Variants in TCP11 observed in about 807,000 individuals in gnomAD.
TCP11 encodes T-complex protein 11 homolog.
Under a neutral mutation model 45.0 loss-of-function variants are expected in TCP11, and 34 were observed. The observed-to-expected ratio is 0.76, with a 90% CI of 0.57 to 1.01. The LOEUF is 1.01. TCP11 is among the 50% of genes least tolerant of loss of function. The pLI is 0.00. For missense variants in TCP11, 523 were observed against 598.1 expected (o/e 0.87, Z 1.31); for synonymous variants, 227 against 227.0 (o/e 1.00, Z 0.00).
intron 3 of TCP11, among the ~76,000 whole-genome samples, chr6:35,135,750 C>G (rs1781007548): frequency 1.3e-5 from 2 of 151,898 alleles, no homozygotes; most frequent in Admixed American, 1.3e-4. Context: ...TAAAAACAAC[C>G]AAAACGGAAA....
chr6:35,119,291 C>T lies in TCP11; in HGVS notation c.1216G>A (p.Ala406Thr), dbSNP rs142229547. ...GLVALSSDNT[A>T]SLMGQLQNIA... ...TTCTGGAGCTGTCCCATTAGAGATG[C>T]TGTATTATCACTGCTTAGAGCAACA... Residue 406 changes from alanine (A) to threonine (T), a missense_variant, in exon 9 of 10, where the codon GCA becomes ACA. By Grantham distance (58) the Ala-to-Thr change is moderately conservative. Coordinates refer to ENST00000311875, the MANE Select transcript of TCP11 (RefSeq NM_001370687.1). 2.3e-5 allele frequency: 37 copies of T among 1,614,080 alleles called. No homozygotes were observed. Among genetic ancestry groups the T allele is most frequent in the Non-Finnish European group, 2.6e-5 (31 of 1,180,050 alleles).
rs1327533016 is a variant in TCP11, at chr6:35,120,101, C to T, written c.1115+58G>A. The stretch of plus-strand genomic sequence containing the variant: ...ACAGTAAGCAATCGTTCATTACCTG[C>T]CTATGTTCTAAATACCACATATCAC... On this transcript the variant is annotated intron_variant, in intron 8 of 9. Transcript: ENST00000311875. This position sits in a 1 kb window ranked among gnomAD's most constrained non-coding sequence, Gnocchi z 4.9. 1.2e-5 allele frequency: 19 copies of T among 1,565,222 alleles called. No individual in the cohort carries two copies. The highest frequency in any genetic ancestry group is 1.5e-5 in the Non-Finnish European group (17 of 1,151,682).
At chr6:35,121,454 A>G (rs1779234347) in intron 5 of TCP11, among the ~76,000 whole-genome samples, 1 of 151,114 alleles carries the variant, frequency 6.6e-6, no homozygotes, top group South Asian at 2.1e-4. Flanking sequence ...AGAGTTGTGA[A>G]ATACGGATGA....
rs1000314905 is a variant in TCP11 at position 35,140,817 on chromosome 6, G to C, written c.54C>G (p.Gly18=). The stretch of plus-strand genomic sequence containing the variant: ...CTGAGGTTTCGGGCTTACAGGACCT[G>C]CCCTCTGAGTCGCCAGGATATTTCG... ...VPPKYPGDSE[G]RSCKPETSGP... The change falls in exon 2 of 10, where the codon GGC becomes GGG. Residue 18 remains glycine (G), a synonymous_variant. Coordinates refer to ENST00000311875, the MANE Select transcript of TCP11 (RefSeq NM_001370687.1). The C allele has an allele frequency of 2.6e-6, 4 of 1,550,028 alleles. No individual in the cohort carries two copies. The highest frequency in any genetic ancestry group is 2.6e-6 in the Non-Finnish European group (3 of 1,153,332).
rs149685630 is a variant in TCP11 at position 35,118,471 on chromosome 6, C to A, written c.1310G>T (p.Cys437Phe). The A allele has an allele frequency of 5.6e-6, 9 of 1,613,964 alleles. No individual in the cohort carries two copies. Among genetic ancestry groups the A allele is most frequent in the East Asian group, 2.2e-5 (1 of 44,888 alleles). Residue 437 changes from cysteine to phenylalanine, a missense_variant, in exon 10 of 10, where the codon TGT becomes TTT. Physicochemically the swap from Cys to Phe is radical, Grantham distance 205. Transcript: ENST00000311875. ...DQRIHLFLKC[C>F]LVLGVQRSLL... ...AGACCGCTGCACACCAAGAACCAAA[C>A]AGCATTTGAGAAACAAATGGATCCG...
rs753069208 is a variant in TCP11, at chr6:35,120,154, C to T, written c.1115+5G>A. ...TCTACTCTAAAAAGTAACTATGCAGCTCACCTGGAGTGAAAGTCTTCCAAC... is the reference window on the plus strand; with the variant it reads ...TCTACTCTAAAAAGTAACTATGCAGTTCACCTGGAGTGAAAGTCTTCCAAC... On this transcript the variant is annotated splice_donor_5th_base_variant and intron_variant, in intron 8 of 9. Transcript: ENST00000311875. The surrounding 1 kb of genome is among the most constrained non-coding windows in gnomAD (Gnocchi z 4.9). The T allele has an allele frequency of 6.2e-7, 1 of 1,613,116 alleles. No individual in the cohort carries two copies. The highest frequency in any genetic ancestry group is 2.2e-5 in the East Asian group (1 of 44,886).
At chr6:35,134,344 G>T (rs966887362) in intron 3 of TCP11, among the ~76,000 whole-genome samples, 25 of 140,990 alleles carry the variant, frequency 1.8e-4, no homozygotes, top group African/African-American at 6.4e-4. Context: ...GCAGTGGCGT[G>T]ATCTTGGCTC....
chr6:35,132,998 G>A (rs1780622614), intron 3 of TCP11, among the ~76,000 whole-genome samples: 1 of 152,234 alleles, frequency 6.6e-6, no homozygotes, highest in Non-Finnish European at 1.5e-5. Flanking sequence ...GACCAGAGGA[G>A]CAACATGTGA....
chr6:35,139,130 G>C (rs1781438999), intron 2 of TCP11, among the ~76,000 whole-genome samples: 1 of 152,010 alleles, frequency 6.6e-6, no homozygotes, highest in Non-Finnish European at 1.5e-5. Context: ...GGAGGTTGCA[G>C]TGAGCCGAGA....
chr6:35,119,225 C>T lies in TCP11; in HGVS notation c.1279+3G>A, dbSNP rs750521309. 1.2e-6 allele frequency: 2 copies of T among 1,613,804 alleles called. No homozygotes were observed. Among genetic ancestry groups the T allele is most frequent in the Admixed American group, 1.7e-5 (1 of 60,020 alleles). On this transcript the variant is annotated splice_donor_region_variant and intron_variant, in intron 9 of 9. Coordinates refer to ENST00000311875, the MANE Select transcript of TCP11 (RefSeq NM_001370687.1). ...ATTCTTACTACCCCACAAGCATACT[C>T]ACCAATAACACTGCAGACACAGTTC...
rs571058019 is a variant in TCP11, at chr6:35,120,548, C to A, written c.814G>T (p.Ala272Ser). The change falls in exon 7 of 10, where the codon GCT (alanine) becomes TCT (serine). Residue 272 changes from alanine (A) to serine (S), a missense_variant. Ala to Ser is a moderately conservative substitution (Grantham distance 99). Coordinates refer to ENST00000311875, the MANE Select transcript of TCP11 (RefSeq NM_001370687.1). This position sits in a 1 kb window ranked among gnomAD's most constrained non-coding sequence, Gnocchi z 4.9. ...CPDTSDSSSVAGPSPNEAANN... is the reference protein window; with the variant it reads ...CPDTSDSSSVSGPSPNEAANN... ...GCTGCCTCATTGGGAGAGGGGCCAG[C>A]CACACTGGAGGAGTCAGAAGTGTCT... 2 of 1,613,986 alleles carry A rather than the reference C, an allele frequency of 1.2e-6. No homozygotes were observed. The highest frequency in any genetic ancestry group is 4.5e-5 in the East Asian group (2 of 44,882).
Position 35,141,270 on chromosome 6 carries a change from T to TG in TCP11, c.-81dup. On this transcript the variant is annotated 5_prime_UTR_variant, in exon 1 of 10. Transcript: ENST00000311875. Reference sequence around the variant, plus strand: ...CGGTGGGCCTCGCGGCCTGGCGGCCTGGAGCGTACCACCGCGGCGGAGCGG... The same window carrying TG: ...CGGTGGGCCTCGCGGCCTGGCGGCCTGGGAGCGTACCACCGCGGCGGAGCGG... 1.0e-6 allele frequency: 1 copy of TG among 994,460 alleles called. No homozygotes were observed. The allele number at this position is 994,460 out of a possible 1,614,324, so 61.6% of individuals were successfully genotyped here. A position where few individuals can be genotyped will look rare whatever the true frequency, so the allele number is the denominator to read the frequency against.
intron 2 of TCP11, among the ~76,000 whole-genome samples, chr6:35,138,314 T>C (rs1781337188): frequency 6.6e-6 from 1 of 152,206 alleles, no homozygotes; most frequent in Non-Finnish European, 1.5e-5. Flanking sequence ...CTATTTATGA[T>C]AGCCAAGATT....
intron 2 of TCP11, chr6:35,140,481 A>G (rs753925705): frequency 2.0e-5 from 12 of 601,644 alleles, no homozygotes; most frequent in Non-Finnish European, 3.4e-5. Context: ...TCAAAATACA[A>G]TACAAAGGAG....
chr6:35,138,205 C>G (rs1333416351), intron 2 of TCP11, among the ~76,000 whole-genome samples: 3 of 152,130 alleles, frequency 2.0e-5, no homozygotes, highest in Non-Finnish European at 4.4e-5. Context: ...AAAAATAGAG[C>G]TACCACATGA....
Position 35,119,215 on chromosome 6 carries a change from C to G in TCP11, c.1279+13G>C. The G allele has an allele frequency of 1.9e-6, 3 of 1,613,516 alleles. No homozygotes were observed. The highest frequency in any genetic ancestry group is 2.5e-6 in the Non-Finnish European group (3 of 1,179,632). On this transcript the variant is annotated intron_variant, in intron 9 of 9. Transcript: ENST00000311875. Reference sequence around the variant, plus strand: ...TTCCCTCACCATTCTTACTACCCCACAAGCATACTCACCAATAACACTGCA... The same window carrying G: ...TTCCCTCACCATTCTTACTACCCCAGAAGCATACTCACCAATAACACTGCA...
Position 35,118,477 on chromosome 6 carries a change from T to C in TCP11, c.1304A>G (p.Lys435Arg). Residue 435 changes from lysine (K) to arginine (R), a missense_variant, in exon 10 of 10, where the codon AAA (lysine) becomes AGA (arginine). Lys to Arg is a conservative substitution (Grantham distance 26). This residue lies in a region of TCP11 where 298 missense variants were observed against 387.9 expected (regional missense o/e 0.77). Coordinates refer to ENST00000311875, the MANE Select transcript of TCP11 (RefSeq NM_001370687.1). Reference sequence around the variant, plus strand: ...CTGCACACCAAGAACCAAACAGCATTTGAGAAACAAATGGATCCGCTGATC... The same window carrying C: ...CTGCACACCAAGAACCAAACAGCATCTGAGAAACAAATGGATCCGCTGATC... ...VIDQRIHLFL[K>R]CCLVLGVQRS... 4 of 1,613,776 alleles carry C rather than the reference T, an allele frequency of 2.5e-6. No homozygotes were observed. Among genetic ancestry groups the C allele is most frequent in the Non-Finnish European group, 3.4e-6 (4 of 1,179,924 alleles).
intron 4 of TCP11, among the ~76,000 whole-genome samples, chr6:35,126,245 G>A (rs140775685): frequency 4.6e-5 from 7 of 152,330 alleles, no homozygotes; most frequent in Admixed American, 6.5e-5. Flanking sequence ...GCCATCTTAT[G>A]GCAGATGATT....
chr6:35,139,203 A>T (rs982304014), intron 2 of TCP11, among the ~76,000 whole-genome samples: 3 of 146,924 alleles, frequency 2.0e-5, no homozygotes, highest in Admixed American at 6.7e-5. Context: ...CTAGTTTATA[A>T]AAAAAAAAAA....
Sources: gnomAD v4.1 joint callset for allele counts (sites outside exome capture counted in the v4.1 genomes callset) on GRCh38, gnomAD v4.1.1 for gene constraint, gnomAD v4.1.1 regional missense constraint, Gnocchi (gnomAD v3.1) non-coding constraint, MANE v1.5 for transcripts, NCBI Gene and HGNC (gene_info 2026-07-23, HGNC 2026-07-21) for gene names.